The following KCNU1 variants were observed in gnomAD, a reference collection of about 807,000 sequenced individuals.
The protein encoded by KCNU1 is potassium calcium-activated channel subfamily U member 1.
Under a neutral mutation model 126.8 loss-of-function variants are expected in KCNU1, and 93 were observed. The ratio of observed to expected loss-of-function variants is 0.73; its 90% CI spans 0.62 to 0.87. The LOEUF is 0.87. KCNU1 is among the 40% of genes least tolerant of loss of function. The pLI is 0.00. For synonymous variants in KCNU1, 523 were observed against 494.2 expected, an observed-to-expected ratio of 1.06 and a Z score of -0.77; for missense variants, 1,330 against 1,367.1, an observed-to-expected ratio of 0.97 and a Z score of 0.43.
intron 2 of KCNU1, among the ~76,000 whole-genome samples, chr8:36,800,684 A>G (rs148518619): frequency 7.5e-4 from 114 of 152,304 alleles, no homozygotes; most frequent in African/African-American, 2.4e-3. Flanking sequence ...CTCCAACCCA[A>G]TGAAAAATGT....
At chr8:36,810,975 G>C (rs181864688) in intron 7 of KCNU1, among the ~76,000 whole-genome samples, 3 of 152,174 alleles carry the variant, frequency 2.0e-5, no homozygotes, top group African/African-American at 7.2e-5. Flanking sequence ...GTAATTGAAA[G>C]TGGGCCAAAA....
rs112098751 is a variant in KCNU1 at position 36,849,797 on chromosome 8, A to G, written c.1891+3898A>G. Among the ~76,000 whole-genome samples, 328 of 152,230 alleles carry G rather than the reference A, an allele frequency of 2.2e-3. 12 individuals carry two copies. The highest frequency in any genetic ancestry group is 7.5e-3 in the African/African-American group (311 of 41,534). On this transcript the variant is annotated intron_variant, in intron 18 of 26. Coordinates refer to ENST00000399881, the MANE Select transcript of KCNU1 (RefSeq NM_001031836.3). Reference sequence around the variant, plus strand: ...TGCTGCTATGCACATTGGGGCACAAATATCTGTTCAAGTTCCTGCTTTCCA... The same window carrying G: ...TGCTGCTATGCACATTGGGGCACAAGTATCTGTTCAAGTTCCTGCTTTCCA...
chr8:36,848,467 A>G lies in KCNU1; in HGVS notation c.1891+2568A>G, dbSNP rs569049955. ...TTCGAGCTAATTTTTATATGGGGTG[A>G]AAGAAAGGGGCCTAGTTTCATTCTT... On this transcript the variant is annotated intron_variant, in intron 18 of 26. Coordinates refer to ENST00000399881, the MANE Select transcript of KCNU1 (RefSeq NM_001031836.3). Among the ~76,000 whole-genome samples the G allele has an allele frequency of 2.6e-5, 4 of 152,264 alleles. No individual in the cohort carries two copies. In the South Asian group the frequency reaches 8.3e-4, roughly 32 times the overall value.
intron 19 of KCNU1, among the ~76,000 whole-genome samples, chr8:36,879,857 G>A (rs1207885256): frequency 1.3e-5 from 2 of 152,132 alleles, no homozygotes; most frequent in South Asian, 2.1e-4. Context: ...TTTATGGTTC[G>A]GGTATTTGTT....
intron 4 of KCNU1, among the ~76,000 whole-genome samples, chr8:36,805,497 C>A (rs975709780): frequency 6.6e-6 from 1 of 152,146 alleles, no homozygotes; most frequent in Non-Finnish European, 1.5e-5. Context: ...CAACACAACA[C>A]GAAAGTAATT....
chr8:36,833,955 G>C (rs1299812606), intron 11 of KCNU1, among the ~76,000 whole-genome samples: 1 of 152,144 alleles, frequency 6.6e-6, no homozygotes, highest in Non-Finnish European at 1.5e-5. Context: ...TCTGAAAAAG[G>C]TATGGATAGC....
At chr8:36,921,646 G>A (rs1389542225) in intron 23 of KCNU1, among the ~76,000 whole-genome samples, 1 of 141,792 alleles carries the variant, frequency 7.1e-6, no homozygotes, top group Non-Finnish European at 1.5e-5. Context: ...GGCAGCCTGG[G>A]CGATGAAGTG....
intron 19 of KCNU1, among the ~76,000 whole-genome samples, chr8:36,895,559 T>G (rs1490116132): frequency 6.6e-6 from 1 of 152,152 alleles, no homozygotes; most frequent in Non-Finnish European, 1.5e-5. Context: ...ATGTGAAACT[T>G]ATACTATCAT....
intron 2 of KCNU1, among the ~76,000 whole-genome samples, chr8:36,789,345 CAGAG>C (rs1353957778): frequency 6.6e-6 from 1 of 151,442 alleles, no homozygotes; most frequent in Non-Finnish European, 1.5e-5. Flanking sequence ...GCCTAGGCGA[CAGAG>C]AGAGACCCCA....
intron 10 of KCNU1, among the ~76,000 whole-genome samples, chr8:36,818,597 G>A (rs1412931726): frequency 2.0e-5 from 3 of 152,150 alleles, no homozygotes; most frequent in Non-Finnish European, 4.4e-5. Flanking sequence ...TGCCTGATGT[G>A]TAGAGAATTA....
In KCNU1 at chr8:36,848,165, C is replaced by A. The variant is rs148468923; in HGVS notation, c.1891+2266C>A. Among the ~76,000 whole-genome samples, 240 of 152,096 alleles carry A rather than the reference C, an allele frequency of 1.6e-3. 1 individual carries two copies. Among genetic ancestry groups the A allele is most frequent in the African/African-American group, 4.4e-3 (182 of 41,486 alleles). On this transcript the variant is annotated intron_variant, in intron 18 of 26. Transcript: ENST00000399881. ...TTTAATCAGATTATATATTTTTTGC[C>A]ATCAAGTTCCTTGTATATTCTGGAT...
intron 23 of KCNU1, among the ~76,000 whole-genome samples, chr8:36,920,538 T>G (rs1321353564): frequency 1.4e-5 from 2 of 144,626 alleles, no homozygotes; most frequent in Non-Finnish European, 3.0e-5. Flanking sequence ...CCTGCCAGCT[T>G]GTCCAGGTTC....
rs577197846 is a variant in KCNU1, at chr8:36,833,637, G to A, written c.1190G>A (p.Trp397Ter). 1.2e-6 allele frequency: 2 copies of A among 1,609,888 alleles called. No individual in the cohort carries two copies. The highest frequency in any genetic ancestry group is 2.2e-5 in the South Asian group (2 of 90,946). ...TTFISGSAMK[W>*]EDLRRVAVES... ...TTCATTTCTGGATCTGCAATGAAGT[G>A]GGAGGATCTGAGGCGAGTTGCGGTA... The change falls in exon 11 of 27, where the codon TGG becomes TAG. Residue 397 changes from tryptophan to a stop codon, truncating the protein, a stop_gained. Transcript: ENST00000399881. LOFTEE classifies it high-confidence loss of function.
At chr8:36,832,782 A>G (rs1003712290) in intron 10 of KCNU1, among the ~76,000 whole-genome samples, 30 of 151,742 alleles carry the variant, frequency 2.0e-4, no homozygotes, top group Non-Finnish European at 2.9e-5. Context: ...CCTTGATCCT[A>G]TTCTAATACA....
At chr8:36,813,489 GTA>G (rs1803796649) in intron 7 of KCNU1, among the ~76,000 whole-genome samples, 1 of 150,150 alleles carries the variant, frequency 6.7e-6, no homozygotes, top group African/African-American at 2.4e-5. Context: ...ATGTATAAAT[GTA>G]TGTTATATAT....
Position 36,909,454 on chromosome 8 carries a change from C to T in KCNU1, c.2250C>T (p.Asp750=). The T allele has an allele frequency of 1.9e-6, 3 of 1,613,538 alleles. No individual in the cohort carries two copies. The highest frequency in any genetic ancestry group is 2.5e-6 in the Non-Finnish European group (3 of 1,179,480). ...ACTATACCAGGAAGGAGCTGAAGGA[C>T]ATAGTGTTCATTGGGTCTCTGGACT... ...ASNYTRKELK[D]IVFIGSLDYL... is the part of the protein sequence containing the mutation. The change falls in exon 21 of 27, where the codon GAC becomes GAT. Residue 750 remains aspartate (D), a synonymous_variant. Coordinates refer to ENST00000399881, the MANE Select transcript of KCNU1 (RefSeq NM_001031836.3).
Position 36,860,090 on chromosome 8 carries a change from A to T in KCNU1, c.1892-4314A>T, listed in dbSNP as rs35133415. Among the ~76,000 whole-genome samples the T allele has an allele frequency of 8.5e-4, 123 of 145,068 alleles. 1 individual carries two copies. The highest frequency in any genetic ancestry group is 1.5e-3 in the Non-Finnish European group (100 of 65,552). On this transcript the variant is annotated intron_variant, in intron 18 of 26. Coordinates refer to ENST00000399881, the MANE Select transcript of KCNU1 (RefSeq NM_001031836.3). ...TTTAACCCATTACCTGATTTTTTTT[A>T]AATTTGAGATGGAGTCTCTCTCTGT... is the stretch of plus-strand genomic sequence containing the variant.
chr8:36,932,399 A>G (rs1223701804), intron 25 of KCNU1, among the ~76,000 whole-genome samples: 1 of 151,996 alleles, frequency 6.6e-6, no homozygotes, highest in Non-Finnish European at 1.5e-5. Context: ...GTATGGATTG[A>G]TCCCTTTTGA....
intron 20 of KCNU1, among the ~76,000 whole-genome samples, chr8:36,907,559 C>T (rs1315238108): frequency 6.6e-6 from 1 of 152,190 alleles, no homozygotes; most frequent in African/African-American, 2.4e-5. Context: ...GCTCTCCAGA[C>T]AAGTAGCTTT....
Sources: allele counts gnomAD v4.1 joint callset (sites outside exome capture counted in the v4.1 genomes callset), GRCh38; gene constraint gnomAD v4.1.1; transcripts MANE v1.5; gene names NCBI Gene and HGNC (gene_info 2026-07-23, HGNC 2026-07-21).